Variants in DSEL observed in about 807,000 individuals in gnomAD.
The protein encoded by DSEL is dermatan sulfate epimerase like, also known as dermatan-sulfate epimerase-like protein.
A neutral mutation model predicts 96.6 loss-of-function variants in DSEL; 61 were observed. The observed-to-expected ratio is 0.63, with a 90% CI of 0.51 to 0.78. The LOEUF (loss-of-function observed/expected upper bound fraction) is 0.78. Ranked by LOEUF, DSEL falls within the 30% of genes least tolerant of loss-of-function variation. DSEL has a pLI of 0.00. For missense variants in DSEL, 1,320 were observed against 1,430.8 expected, an observed-to-expected ratio of 0.92 and a Z score of 1.25; for synonymous variants, 514 against 502.0, an observed-to-expected ratio of 1.02 and a Z score of -0.32.
At position 67,512,595 on chromosome 18, in the gene DSEL, C is replaced by T; in HGVS notation, c.2014G>A (p.Glu672Lys). ...TATGCAATTCTTGTGATTGTGGGTT[C>T]CATCTGAAAAGTAACATTAACAAAT... is the stretch of plus-strand genomic sequence containing the variant. The part of the protein sequence containing the change: ...TQFVNVTFQM[E>K]PTITRIAYVF... The change falls in exon 2 of 2, where the codon GAA (glutamate) becomes AAA (lysine). Residue 672 changes from glutamate (E) to lysine (K), a missense_variant. Physicochemically the swap from Glu to Lys is moderately conservative, Grantham distance 56. Transcript: ENST00000310045. The T allele has an allele frequency of 6.2e-7, 1 of 1,614,010 alleles. No individual in the cohort carries two copies. Among genetic ancestry groups the T allele is most frequent in the Non-Finnish European group, 8.5e-7 (1 of 1,179,958 alleles).
Position 67,514,615 on chromosome 18 carries a change from T to C in DSEL, c.-7A>G, listed in dbSNP as rs1197168891. ...CTGTAAACATTAACGCCATGATCCATGGGGGAGCTCCTCCCTTAGGCATAC... is the reference window on the plus strand; with the variant it reads ...CTGTAAACATTAACGCCATGATCCACGGGGGAGCTCCTCCCTTAGGCATAC... On this transcript the variant is annotated 5_prime_UTR_variant, in exon 2 of 2. It removes an upstream start codon present in the reference 5' UTR. Transcript: ENST00000310045. The C allele has an allele frequency of 2.5e-6, 4 of 1,613,494 alleles. No homozygotes were observed. Among genetic ancestry groups the C allele is most frequent in the African/African-American group, 2.7e-5 (2 of 74,902 alleles).
Position 67,516,362 on chromosome 18 carries a change from T to G in DSEL, c.-886A>C, listed in dbSNP as rs1311786268. 2 of 152,238 alleles carry G rather than the reference T, an allele frequency of 1.3e-5. No individual in the cohort carries two copies. The highest frequency in any genetic ancestry group is 4.8e-5 in the African/African-American group (2 of 41,434). The allele number at this position is 152,238 out of a possible 1,614,324, so 9.4% of individuals were successfully genotyped here. A position where few individuals can be genotyped will look rare whatever the true frequency, so the allele number is the denominator to read the frequency against. On this transcript the variant is annotated splice_region_variant and 5_prime_UTR_variant, in exon 1 of 2. Coordinates refer to ENST00000310045, the MANE Select transcript of DSEL (RefSeq NM_032160.3). The surrounding 1 kb of genome is among the most constrained non-coding windows in gnomAD (Gnocchi z 5.6). ...CCCTGAGCCACCAAGTCCGCTTACCTCAGGCAGATCCCGACGGGGGCTCGG... is the reference window on the plus strand; with the variant it reads ...CCCTGAGCCACCAAGTCCGCTTACCGCAGGCAGATCCCGACGGGGGCTCGG...
Position 67,508,621 on chromosome 18 carries a change from T to C in DSEL, c.*2349A>G, listed in dbSNP as rs1249908693. The C allele has an allele frequency of 6.6e-6, 1 of 152,196 alleles. No individual in the cohort carries two copies. The highest frequency in any genetic ancestry group is 1.9e-4 in the East Asian group (1 of 5,200). The allele number at this position is 152,196 out of a possible 1,614,324, so 9.4% of individuals were successfully genotyped here. A position where few individuals can be genotyped will look rare whatever the true frequency, so the allele number is the denominator to read the frequency against. ...TGCTATCAATGACGTGTTCCCATAT[T>C]CATTCTCAGTGTAACTCATTTTCTT... On this transcript the variant is annotated 3_prime_UTR_variant, in exon 2 of 2. Transcript: ENST00000310045.
chr18:67,515,309 T>C lies in DSEL; in HGVS notation c.-701A>G. 6.0e-6 allele frequency: 1 copy of C among 167,182 alleles called. No homozygotes were observed. 10.4% of individuals were successfully genotyped at this position (167,182 alleles called of 1,614,324 possible). On this transcript the variant is annotated 5_prime_UTR_variant, in exon 2 of 2. Coordinates refer to ENST00000310045, the MANE Select transcript of DSEL (RefSeq NM_032160.3). ...GGCTTACTTACTCATCAGCCTATTATGACAAAGAGAAATCATGTTCACATC... is the reference window on the plus strand; with the variant it reads ...GGCTTACTTACTCATCAGCCTATTACGACAAAGAGAAATCATGTTCACATC...
In DSEL at chr18:67,509,198, AT is replaced by A. The variant is rs145627228; in HGVS notation, c.*1771del. On this transcript the variant is annotated 3_prime_UTR_variant, in exon 2 of 2. Transcript: ENST00000310045. ...TATATGTGATCTGATTCACGATCACATATCCTAGGAATTGAAAGTAAACACT... is the reference window on the plus strand; with the variant it reads ...TATATGTGATCTGATTCACGATCACAATCCTAGGAATTGAAAGTAAACACT... 459 of 152,330 alleles carry A rather than the reference AT, an allele frequency of 3.0e-3. 5 individuals are homozygous for A. The highest frequency in any genetic ancestry group is 0.01 in the African/African-American group (419 of 41,570). The allele number at this position is 152,330 out of a possible 1,614,324, so 9.4% of individuals were successfully genotyped here.
rs1183594069 is a variant in DSEL at position 67,509,894 on chromosome 18, A to G, written c.*1076T>C. ...ACAGATGCCTCTGACATCATCTCCCATTTGCTTTCAACTTTTGCAGACACT... is the reference window on the plus strand; with the variant it reads ...ACAGATGCCTCTGACATCATCTCCCGTTTGCTTTCAACTTTTGCAGACACT... On this transcript the variant is annotated 3_prime_UTR_variant, in exon 2 of 2. Coordinates refer to ENST00000310045, the MANE Select transcript of DSEL (RefSeq NM_032160.3). 6.6e-6 allele frequency: 1 copy of G among 152,624 alleles called. No individual in the cohort carries two copies. Among genetic ancestry groups the G allele is most frequent in the Non-Finnish European group, 1.5e-5 (1 of 68,040 alleles). The allele number at this position is 152,624 out of a possible 1,614,324, so 9.5% of individuals were successfully genotyped here.
chr18:67,512,397 T>C lies in DSEL; in HGVS notation c.2212A>G (p.Ser738Gly), dbSNP rs1182726461. 1 of 1,614,222 alleles carries C rather than the reference T, an allele frequency of 6.2e-7. No individual in the cohort carries two copies. The highest frequency in any genetic ancestry group is 8.5e-7 in the Non-Finnish European group (1 of 1,180,030). The change falls in exon 2 of 2, where the codon AGT (serine) becomes GGT (glycine). Residue 738 changes from serine to glycine, a missense_variant. Coordinates refer to ENST00000310045, the MANE Select transcript of DSEL (RefSeq NM_032160.3). ...GTTATTTGGCCTTGATCAGCCACAC[T>C]GGCAAAGCCACCGAATCCCAGATAA... Reference protein sequence around the residue: ...FNYLGFGGFASVADQGQITRF... With the variant: ...FNYLGFGGFAGVADQGQITRF...
chr18:67,512,056 A>G lies in DSEL; in HGVS notation c.2553T>C (p.Asp851=), dbSNP rs1282576146. Residue 851 remains aspartate (D), a synonymous_variant, in exon 2 of 2, where the codon GAT becomes GAC. Coordinates refer to ENST00000310045, the MANE Select transcript of DSEL (RefSeq NM_032160.3). ...GTGAGGTAATGACAACATCAGGAAGATCCATGTGGTGCCCTTCAGAAGACA... is the reference window on the plus strand; with the variant it reads ...GTGAGGTAATGACAACATCAGGAAGGTCCATGTGGTGCCCTTCAGAAGACA... The part of the protein sequence containing the change: ...KSLSSEGHHM[D]LPDVVITSLP... The G allele has an allele frequency of 1.2e-6, 2 of 1,614,096 alleles. No individual in the cohort carries two copies. Among genetic ancestry groups the G allele is most frequent in the Middle Eastern group, 1.6e-4 (1 of 6,062 alleles).
rs761664216 is a variant in DSEL at position 67,511,990 on chromosome 18, G to A, written c.2619C>T (p.Phe873=). ...SGAEILKQLF[F]NSSDFLYIRV... ...TGATGTAGAGAAAATCACTACTGTT[G>A]AAAAAAAGTTGTTTGAGAATTTCAG... Residue 873 remains phenylalanine (F), a synonymous_variant, in exon 2 of 2, where the codon TTC becomes TTT. Transcript: ENST00000310045. The A allele has an allele frequency of 1.2e-6, 2 of 1,613,920 alleles. No individual in the cohort carries two copies. Among genetic ancestry groups the A allele is most frequent in the Non-Finnish European group, 1.7e-6 (2 of 1,180,012 alleles).
At position 67,514,344 on chromosome 18, in the gene DSEL, C is replaced by T; in HGVS notation, c.265G>A (p.Ala89Thr). ...SRASHLHLFR[A>T]IRSAVTVMLS... ...ATAACTGTCACTGCACTTCTGATAG[C>T]TCTAAAAAGATGCAAATGGCTTGCA... is the stretch of plus-strand genomic sequence containing the variant. Residue 89 changes from alanine (A) to threonine (T), a missense_variant, in exon 2 of 2, where the codon GCT (alanine) becomes ACT (threonine). This residue lies in a region of DSEL where 323 missense variants were observed against 333.1 expected (regional missense o/e 0.97). Coordinates refer to ENST00000310045, the MANE Select transcript of DSEL (RefSeq NM_032160.3). The T allele has an allele frequency of 6.2e-7, 1 of 1,614,212 alleles. No individual in the cohort carries two copies. Among genetic ancestry groups the T allele is most frequent in the Non-Finnish European group, 8.5e-7 (1 of 1,180,032 alleles).
rs1220488286 is a variant in DSEL, at chr18:67,516,030, C to A, written c.-885+331G>T. Among the ~76,000 whole-genome samples, 5 of 151,926 alleles carry A rather than the reference C, an allele frequency of 3.3e-5. No individual in the cohort carries two copies. Among genetic ancestry groups the A allele is most frequent in the Non-Finnish European group, 1.5e-5 (1 of 67,986 alleles). On this transcript the variant is annotated intron_variant, in intron 1 of 1. Transcript: ENST00000310045. The surrounding 1 kb of genome is among the most constrained non-coding windows in gnomAD (Gnocchi z 5.6). ...GGGGTAACCGCGAATCGTGACCAGGCGCCAAGCCGAGGGGCGGGAGCTCCG... is the reference window on the plus strand; with the variant it reads ...GGGGTAACCGCGAATCGTGACCAGGAGCCAAGCCGAGGGGCGGGAGCTCCG...
Position 67,513,238 on chromosome 18 carries a change from A to T in DSEL, c.1371T>A (p.Ile457=). 6.2e-7 allele frequency: 1 copy of T among 1,614,178 alleles called. No homozygotes were observed. Among genetic ancestry groups the T allele is most frequent in the Non-Finnish European group, 8.5e-7 (1 of 1,180,040 alleles). The change falls in exon 2 of 2, where the codon ATT becomes ATA. Residue 457 remains isoleucine, a synonymous_variant. Transcript: ENST00000310045. ...CTGGGTTAAAACTTCTCCACCCATC[A>T]ATCCAGGAATATGGCTGAAAATGAA... is the stretch of plus-strand genomic sequence containing the variant. ...DIVHFQPYSW[I]DGWRSFNPGH... is the part of the protein sequence containing the mutation.
chr18:67,512,462 G>C lies in DSEL; in HGVS notation c.2147C>G (p.Ser716Cys). The change falls in exon 2 of 2, where the codon TCT becomes TGT. Residue 716 changes from serine (S) to cysteine (C), a missense_variant. Physicochemically the swap from Ser to Cys is moderately radical, Grantham distance 112. Coordinates refer to ENST00000310045, the MANE Select transcript of DSEL (RefSeq NM_032160.3). ...LNVNNTEHVVSIVTDYHNLKT... is the reference protein window; with the variant it reads ...LNVNNTEHVVCIVTDYHNLKT... ...CAGGTTATGGTAATCAGTTACAATA[G>C]AAACAACATGTTCAGTATTATTGAC... The C allele has an allele frequency of 6.2e-7, 1 of 1,614,120 alleles. No homozygotes were observed. Among genetic ancestry groups the C allele is most frequent in the Non-Finnish European group, 8.5e-7 (1 of 1,179,990 alleles).
rs1403056217 is a variant in DSEL, at chr18:67,512,696, T to A, written c.1913A>T (p.Asp638Val). ...WDAHYKMFWFDHHGNSPMASI... is the reference protein window; with the variant it reads ...WDAHYKMFWFVHHGNSPMASI... The stretch of plus-strand genomic sequence containing the variant: ...GGCCATGGGACTATTGCCATGATGA[T>A]CAAACCAAAACATTTTGTAATGTGC... Residue 638 changes from aspartate (D) to valine (V), a missense_variant, in exon 2 of 2, where the codon GAT becomes GTT. Coordinates refer to ENST00000310045, the MANE Select transcript of DSEL (RefSeq NM_032160.3). 1 of 1,614,060 alleles carries A rather than the reference T, an allele frequency of 6.2e-7. No individual in the cohort carries two copies. Among genetic ancestry groups the A allele is most frequent in the Non-Finnish European group, 8.5e-7 (1 of 1,180,048 alleles).
At chr18:67,515,736 T>C (rs571264268) in intron 1 of DSEL, among the ~76,000 whole-genome samples, 3 of 152,252 alleles carry the variant, frequency 2.0e-5, no homozygotes, top group African/African-American at 2.4e-5. Flanking sequence ...ATATACAAGA[T>C]AGAACTCTCC....
chr18:67,511,107 G>C lies in DSEL; in HGVS notation c.3502C>G (p.Leu1168Val), dbSNP rs777583619. 6.2e-7 allele frequency: 1 copy of C among 1,614,078 alleles called. No individual in the cohort carries two copies. The highest frequency in any genetic ancestry group is 2.2e-5 in the East Asian group (1 of 44,864). The change falls in exon 2 of 2, where the codon CTT (leucine) becomes GTT (valine). Residue 1168 changes from leucine (L) to valine (V), a missense_variant. By Grantham distance (32) the Leu-to-Val change is conservative. This residue lies in a region of DSEL where 986 missense variants were observed against 1,066.4 expected (regional missense o/e 0.92). Transcript: ENST00000310045. ...LFATSTNLFYLPYEGEISPTN... is the reference protein window; with the variant it reads ...LFATSTNLFYVPYEGEISPTN... ...GGTGATATTTCCCCTTCATAGGGAA[G>C]GTAAAAAAGGTTTGTAGAGGTGGCA...
rs1230474749 is a variant in DSEL, at chr18:67,511,131, C to T, written c.3478G>A (p.Ala1160Thr). The change falls in exon 2 of 2, where the codon GCC becomes ACC. Residue 1160 changes from alanine to threonine, a missense_variant. Transcript: ENST00000310045. ...AGGTAAAAAAGGTTTGTAGAGGTGG[C>T]AAACAATATTTGGTTTAAACTAGCA... is the stretch of plus-strand genomic sequence containing the variant. ...SPASLNQILF[A>T]TSTNLFYLPY... The T allele has an allele frequency of 1.2e-6, 2 of 1,614,118 alleles. No individual in the cohort carries two copies. Among genetic ancestry groups the T allele is most frequent in the East Asian group, 2.2e-5 (1 of 44,862 alleles).
In DSEL at chr18:67,515,312, CAA is replaced by C. The variant is rs2089469587; in HGVS notation, c.-706_-705del. ...TTACTTACTCATCAGCCTATTATGA[CAA>C]AGAGAAATCATGTTCACATCTTCTT... On this transcript the variant is annotated 5_prime_UTR_variant, in exon 2 of 2. An upstream open reading frame in the 5' UTR gains an earlier in-frame stop. Coordinates refer to ENST00000310045, the MANE Select transcript of DSEL (RefSeq NM_032160.3). 6.0e-6 allele frequency: 1 copy of C among 166,952 alleles called. No homozygotes were observed. Among genetic ancestry groups the C allele is most frequent in the Non-Finnish European group, 1.5e-5 (1 of 68,126 alleles). 10.3% of individuals were successfully genotyped at this position (166,952 alleles called of 1,614,324 possible). A position where few individuals can be genotyped will look rare whatever the true frequency, so the allele number is the denominator to read the frequency against.
chr18:67,509,110 A>C lies in DSEL; in HGVS notation c.*1860T>G, dbSNP rs1354740257. ...AGTAGTTTCTGCTTTCTTGCTTGCT[A>C]CCTGCATGCAATTGTAATTCCTACC... On this transcript the variant is annotated 3_prime_UTR_variant, in exon 2 of 2. Coordinates refer to ENST00000310045, the MANE Select transcript of DSEL (RefSeq NM_032160.3). 1 of 152,170 alleles carries C rather than the reference A, an allele frequency of 6.6e-6. No individual in the cohort carries two copies. Among genetic ancestry groups the C allele is most frequent in the Non-Finnish European group, 1.5e-5 (1 of 68,038 alleles). The allele number at this position is 152,170 out of a possible 1,614,324, so 9.4% of individuals were successfully genotyped here. A position where few individuals can be genotyped will look rare whatever the true frequency, so the allele number is the denominator to read the frequency against.
Sources: allele counts gnomAD v4.1 joint callset (sites outside exome capture counted in the v4.1 genomes callset), GRCh38; gene constraint gnomAD v4.1.1; regional missense constraint gnomAD v4.1.1; non-coding constraint Gnocchi (gnomAD v3.1); transcripts MANE v1.5; gene names NCBI Gene and HGNC (gene_info 2026-07-23, HGNC 2026-07-21).